FOXN3: variants seen among roughly 807,000 people sequenced by gnomAD.
FOXN3 encodes forkhead box protein N3.
Under a neutral mutation model 38.4 loss-of-function variants are expected in FOXN3, and 7 were observed. The observed-to-expected ratio is 0.18, with a 90% CI of 0.10 to 0.34. FOXN3 has a LOEUF of 0.34. FOXN3 is among the 10% of genes least tolerant of loss of function. The pLI, the probability that FOXN3 is intolerant of heterozygous loss-of-function variation, is 1.00. For synonymous variants in FOXN3, 230 were observed against 242.2 expected, an observed-to-expected ratio of 0.95 and a Z score of 0.47; for missense variants, 456 against 613.4, an observed-to-expected ratio of 0.74 and a Z score of 2.71.
intron 2 of FOXN3, among the ~76,000 whole-genome samples, chr14:89,392,807 A>ATTTTT (rs35499441): frequency 7.5e-6 from 1 of 133,876 alleles, no homozygotes; most frequent in African/African-American, 2.8e-5. Flanking sequence ...CGCCCAGCTA[A>ATTTTT]TTTTTTTTTT....
chr14:89,614,770 T>C (rs1896459658), intron 1 of FOXN3, among the ~76,000 whole-genome samples: 1 of 152,244 alleles, frequency 6.6e-6, no homozygotes, highest in African/African-American at 2.4e-5. Context: ...ATTAGGGTCT[T>C]GCATAAGATT....
rs908022029 is a variant in FOXN3, at chr14:89,165,867, G to T, written c.852-2898C>A. On this transcript the variant is annotated intron_variant, in intron 5 of 5. Coordinates refer to ENST00000557258, the MANE Select transcript of FOXN3 (RefSeq NM_005197.4). ...AGTAAATCTAAGTATACTTGAAAGA[G>T]TAAAGTGGGCTATATTTAGCTTTTA... Among the ~76,000 whole-genome samples the T allele has an allele frequency of 2.6e-5, 4 of 152,322 alleles. No homozygotes were observed. The South Asian group carries it at 8.3e-4, about 32-fold the overall frequency.
intron 4 of FOXN3, among the ~76,000 whole-genome samples, chr14:89,194,104 T>C (rs1353200516): frequency 6.6e-6 from 1 of 152,210 alleles, no homozygotes; most frequent in Non-Finnish European, 1.5e-5. Flanking sequence ...GTGAGATACA[T>C]GGTTTTTTTT....
At chr14:89,169,901 A>G (rs1161793634) in intron 5 of FOXN3, among the ~76,000 whole-genome samples, 1 of 152,254 alleles carries the variant, frequency 6.6e-6, no homozygotes, top group Non-Finnish European at 1.5e-5. Context: ...AAAAATGTCA[A>G]TAAAAATGCG....
chr14:89,514,601 G>A (rs1335133883), intron 1 of FOXN3, among the ~76,000 whole-genome samples: 1 of 152,224 alleles, frequency 6.6e-6, no homozygotes, highest in Non-Finnish European at 1.5e-5. Context: ...TCAAGGTCAT[G>A]CACATTATTA....
intron 1 of FOXN3, among the ~76,000 whole-genome samples, chr14:89,472,720 CA>C (rs1157948946): frequency 0.048 from 2,250 of 46,608 alleles, 32 homozygotes; most frequent in African/African-American, 0.15. Flanking sequence ...GACCCCATCT[CA>C]AAAAAAAAAA....
chr14:89,180,801 G>A lies in FOXN3; in HGVS notation c.751C>T (p.Pro251Ser). The part of the protein sequence containing the change: ...KRNGALLQVP[P>S]GVIQNGARVL... ...CGCGCTCCATTTTGGATCACTCCTGGAGGAACTGAAAAAGCAAAGGGGAGA... is the reference window on the plus strand; with the variant it reads ...CGCGCTCCATTTTGGATCACTCCTGAAGGAACTGAAAAAGCAAAGGGGAGA... Residue 251 changes from proline (P) to serine (S), a missense_variant, in exon 5 of 6, where the codon CCA becomes TCA. By Grantham distance (74) the Pro-to-Ser change is moderately conservative. Coordinates refer to ENST00000557258, the MANE Select transcript of FOXN3 (RefSeq NM_005197.4). 6.2e-7 allele frequency: 1 copy of A among 1,607,232 alleles called. No homozygotes were observed. Among genetic ancestry groups the A allele is most frequent in the Non-Finnish European group, 8.5e-7 (1 of 1,176,142 alleles).
At chr14:89,557,312 T>C (rs753880627) in intron 1 of FOXN3, among the ~76,000 whole-genome samples, 11 of 152,134 alleles carry the variant, frequency 7.2e-5, no homozygotes, top group Non-Finnish European at 1.6e-4. Context: ...CCCACTCTTA[T>C]TGGGGGGTTA....
At chr14:89,423,156 C>G (rs2140107968) in intron 1 of FOXN3, among the ~76,000 whole-genome samples, 1 of 152,296 alleles carries the variant, frequency 6.6e-6, no homozygotes, top group South Asian at 2.1e-4. Context: ...ATTTATAAAG[C>G]AACCACAAAT....
chr14:89,522,032 AAAAG>A (rs1894330533), intron 1 of FOXN3, among the ~76,000 whole-genome samples: 2 of 151,968 alleles, frequency 1.3e-5, no homozygotes, highest in South Asian at 4.2e-4. Flanking sequence ...AAAAAAAGAA[AAAAG>A]AAAGAAAAGA....
At chr14:89,167,076 G>A (rs4899970) in intron 5 of FOXN3, among the ~76,000 whole-genome samples, 36,030 of 152,158 alleles carry the variant, frequency 0.24, 4,971 homozygotes, top group Middle Eastern at 0.33. Context: ...ATAAATCAGA[G>A]CCACCTGATT....
chr14:89,223,468 T>C (rs371868292), intron 4 of FOXN3: 2 of 152,406 alleles, frequency 1.3e-5, no homozygotes, highest in African/African-American at 4.8e-5. Context: ...AGGGGCCTGC[T>C]TGTCCACCTT....
At chr14:89,563,307 T>C (rs1208678817) in intron 1 of FOXN3, among the ~76,000 whole-genome samples, 2 of 152,224 alleles carry the variant, frequency 1.3e-5, no homozygotes, top group African/African-American at 4.8e-5. Flanking sequence ...GTACTTCTCA[T>C]AGATAAGTTG....
At position 89,161,594 on chromosome 14, in the gene FOXN3, T is replaced by TGTGTGTGC. The variant is rs1298084016; in HGVS notation, c.*819_*820insGCACACAC. ...GTGTGTGTGTGTGTGTGTGTGTGTG[T>TGTGTGTGC]GTGCGTGCGTGCACAGGGCCAATCT... On this transcript the variant is annotated 3_prime_UTR_variant, in exon 6 of 6. Coordinates refer to ENST00000557258, the MANE Select transcript of FOXN3 (RefSeq NM_005197.4). The TGTGTGTGC allele has an allele frequency of 6.5e-5, 9 of 138,346 alleles. No homozygotes were observed. Among genetic ancestry groups the TGTGTGTGC allele is most frequent in the Admixed American group, 1.4e-4 (2 of 13,876 alleles). The allele number at this position is 138,346 out of a possible 1,614,324, so 8.6% of individuals were successfully genotyped here.
intron 1 of FOXN3, among the ~76,000 whole-genome samples, chr14:89,464,845 C>A (rs568942154): frequency 1.3e-5 from 2 of 151,990 alleles, no homozygotes; most frequent in South Asian, 2.1e-4. Context: ...TTACAGCTGC[C>A]CACCACCACG....
rs1178080310 is a variant in FOXN3 at position 89,158,891 on chromosome 14, G to A, written c.*3523C>T. On this transcript the variant is annotated 3_prime_UTR_variant, in exon 6 of 6. Transcript: ENST00000557258. Reference sequence around the variant, plus strand: ...CCTCCCCCCTGCCCCGTGTGAGTATGTGAGATACTGGAATGACACATGAAC... The same window carrying A: ...CCTCCCCCCTGCCCCGTGTGAGTATATGAGATACTGGAATGACACATGAAC... 2 of 145,446 alleles carry A rather than the reference G, an allele frequency of 1.4e-5. No homozygotes were observed. Among genetic ancestry groups the A allele is most frequent in the African/African-American group, 2.5e-5 (1 of 39,218 alleles). The allele number at this position is 145,446 out of a possible 1,614,324, so 9.0% of individuals were successfully genotyped here. A position where few individuals can be genotyped will look rare whatever the true frequency, so the allele number is the denominator to read the frequency against.
At chr14:89,379,568 G>A (rs1890581207) in intron 2 of FOXN3, among the ~76,000 whole-genome samples, 1 of 152,180 alleles carries the variant, frequency 6.6e-6, no homozygotes, top group African/African-American at 2.4e-5. Context: ...AGAGCATGAA[G>A]AACTACTCAG....
intron 4 of FOXN3, among the ~76,000 whole-genome samples, chr14:89,244,308 G>A (rs934008877): frequency 6.6e-6 from 1 of 152,230 alleles, no homozygotes; most frequent in African/African-American, 2.4e-5. Flanking sequence ...AATAATGCAG[G>A]AACCTTCAAA....
At chr14:89,376,142 A>T (rs544576766) in intron 2 of FOXN3, among the ~76,000 whole-genome samples, 1 of 152,336 alleles carries the variant, frequency 6.6e-6, no homozygotes, top group East Asian at 1.9e-4. Flanking sequence ...TTTTGGAGAA[A>T]TGGATGATCT....
Sources: gnomAD v4.1 joint callset for allele counts (sites outside exome capture counted in the v4.1 genomes callset) on GRCh38, gnomAD v4.1.1 for gene constraint, MANE v1.5 for transcripts, NCBI Gene and HGNC (gene_info 2026-07-23, HGNC 2026-07-21) for gene names.